The following PROX1 variants were observed in gnomAD, a reference collection of about 807,000 sequenced individuals.
PROX1 encodes the protein prospero homeobox 1.
Under a neutral mutation model 58.8 loss-of-function variants are expected in PROX1, and 7 were observed. That is an observed-to-expected ratio of 0.12 (90% CI 0.07 to 0.22). The LOEUF (loss-of-function observed/expected upper bound fraction) is 0.22, where lower values mean the gene tolerates loss of function less well. Among genes scored for constraint, PROX1 ranks in the 10% least tolerant of loss-of-function variants. The probability of loss-of-function intolerance (pLI) is 1.00; values close to 1 mark genes in which losing one functional copy is unlikely to be tolerated. For missense variants in PROX1, 675 were observed against 927.8 expected, an observed-to-expected ratio of 0.73 and a Z score of 3.54; for synonymous variants, 350 against 358.3, an observed-to-expected ratio of 0.98 and a Z score of 0.26.
intron 4 of PROX1, among the ~76,000 whole-genome samples, chr1:214,031,393 C>G (rs1664652994): frequency 6.6e-6 from 1 of 152,122 alleles, no homozygotes; most frequent in Admixed American, 6.5e-5. Context: ...GGCAAAGCAG[C>G]TCCCACAATA....
intron 3 of PROX1, among the ~76,000 whole-genome samples, chr1:214,009,599 T>C (rs1663838104): frequency 6.6e-6 from 1 of 152,194 alleles, no homozygotes; most frequent in Non-Finnish European, 1.5e-5. Flanking sequence ...GTTGTTTTTG[T>C]CCATTCTTTC....
intron 2 of PROX1, among the ~76,000 whole-genome samples, chr1:214,003,599 T>A (rs1008854763): frequency 1.3e-5 from 2 of 152,136 alleles, no homozygotes; most frequent in Admixed American, 1.3e-4. Context: ...AGATATAAAA[T>A]CAAAATTTCT....
chr1:214,011,331 T>C (rs1663902174), intron 3 of PROX1, among the ~76,000 whole-genome samples, 190 bp from the exon 4 acceptor site: 1 of 152,234 alleles, frequency 6.6e-6, no homozygotes, highest in Non-Finnish European at 1.5e-5. Context: ...TTTCCATTAC[T>C]GACAGGTTTT....
intron 3 of PROX1, among the ~76,000 whole-genome samples, chr1:214,007,530 G>T (rs546021527): frequency 3.3e-5 from 5 of 152,292 alleles, no homozygotes; most frequent in Admixed American, 1.3e-4. Context: ...AGAGTAGAAA[G>T]CCATGCAAAG....
rs1408198370 is a variant in PROX1 at position 213,997,068 on chromosome 1, A to G, written c.533A>G (p.His178Arg). Residue 178 changes from histidine to arginine, a missense_variant, in exon 2 of 5, where the codon CAT becomes CGT. Around this residue, in one of 8 missense-constraint regions of PROX1, gnomAD observed 403 missense variants for 477.4 expected, o/e 0.84. Transcript: ENST00000366958. This position sits in a 1 kb window ranked among gnomAD's most constrained non-coding sequence, Gnocchi z 7.1. ...RVENIIRGMS[H>R]SPSVALRGNE... ...GAGAATATAATTCGGGGTATGAGCC[A>G]TTCCCCCAGTGTGGCATTAAGGGGC... 1 of 1,613,990 alleles carries G rather than the reference A, an allele frequency of 6.2e-7. No homozygotes were observed. Among genetic ancestry groups the G allele is most frequent in the Non-Finnish European group, 8.5e-7 (1 of 1,180,030 alleles).
intron 2 of PROX1, among the ~76,000 whole-genome samples, chr1:214,000,778 C>A (rs1418906654): frequency 6.6e-6 from 1 of 152,168 alleles, no homozygotes; most frequent in Non-Finnish European, 1.5e-5. Context: ...AGATTGGGCC[C>A]ACTTTTCTCC....
chr1:214,001,832 C>T (rs1478782579), intron 2 of PROX1, among the ~76,000 whole-genome samples: 1 of 151,366 alleles, frequency 6.6e-6, no homozygotes, highest in Non-Finnish European at 1.5e-5. Context: ...ACACTACCCC[C>T]CTCCCCTGAA....
rs191179009 is a variant in PROX1 at position 213,998,550 on chromosome 1, G to T, written c.1725+290G>T. Among the ~76,000 whole-genome samples, 31 of 151,788 alleles carry T rather than the reference G, an allele frequency of 2.0e-4. 1 individual carries two copies. In the East Asian group the frequency reaches 6.0e-3, roughly 29 times the overall value. Reference sequence around the variant, plus strand: ...GTGTTTTTTTTCTGCTGTTCTTCCTGCATTATCTTCTTATCCCTATCTCTT... The same window carrying T: ...GTGTTTTTTTTCTGCTGTTCTTCCTTCATTATCTTCTTATCCCTATCTCTT... On this transcript the variant is annotated intron_variant, in intron 2 of 4. Transcript: ENST00000366958.
intron 4 of PROX1, among the ~76,000 whole-genome samples, chr1:214,017,303 T>A (rs775419038): frequency 6.6e-6 from 1 of 152,202 alleles, no homozygotes; most frequent in Non-Finnish European, 1.5e-5. Flanking sequence ...GGGGATTCAG[T>A]GGAGTTCTAT....
chr1:214,035,922 T>C lies in PROX1; in HGVS notation c.*88T>C. The C allele has an allele frequency of 3.4e-6, 4 of 1,176,430 alleles. No individual in the cohort carries two copies. Among genetic ancestry groups the C allele is most frequent in the Non-Finnish European group, 4.7e-6 (4 of 846,178 alleles). The allele number at this position is 1,176,430 out of a possible 1,614,324, so 72.9% of individuals were successfully genotyped here. ...TATGTGTCTAGATTTTGATTTCATA[T>C]ATATGTGTATGGGAGGCATGGATAT... On this transcript the variant is annotated 3_prime_UTR_variant, in exon 5 of 5. Coordinates refer to ENST00000366958, the MANE Select transcript of PROX1 (RefSeq NM_001270616.2).
intron 1 of PROX1, among the ~76,000 whole-genome samples, chr1:213,994,235 G>A (rs763496541): frequency 2.0e-5 from 3 of 152,190 alleles, no homozygotes; most frequent in Non-Finnish European, 4.4e-5. Context: ...CAGTTTGGGT[G>A]TTAGGGTGAA....
intron 1 of PROX1, among the ~76,000 whole-genome samples, chr1:213,994,095 G>A (rs1204401552): frequency 1.3e-5 from 2 of 152,166 alleles, no homozygotes; most frequent in African/African-American, 4.8e-5. Flanking sequence ...TTGACGCAGA[G>A]GTAAATGGCA....
At chr1:213,987,840 A>G (rs1288842492), upstream of PROX1, 1 of 147,016 alleles carries the variant, frequency 6.8e-6, no homozygotes, top group Non-Finnish European at 1.5e-5. Context: ...TTGCCTTGCT[A>G]TCCCCCCTTG....
intron 4 of PROX1, among the ~76,000 whole-genome samples, chr1:214,012,187 A>G (rs1044379450): frequency 6.6e-6 from 1 of 152,212 alleles, no homozygotes; most frequent in Non-Finnish European, 1.5e-5. Flanking sequence ...TGACTTTGAC[A>G]TTTAGTCCCT....
chr1:213,992,403 A>G (rs965101355), intron 1 of PROX1, among the ~76,000 whole-genome samples: 3 of 152,178 alleles, frequency 2.0e-5, no homozygotes, highest in African/African-American at 7.2e-5. Flanking sequence ...TAATTAGCAG[A>G]AACAAATTCT....
intron 2 of PROX1, among the ~76,000 whole-genome samples, chr1:214,001,771 A>C (rs1351201227): frequency 1.3e-5 from 2 of 152,166 alleles, no homozygotes; most frequent in Non-Finnish European, 2.9e-5. Context: ...TAGTACTTAT[A>C]TTAGCTAGAG....
Position 213,996,944 on chromosome 1 carries a change from C to T in PROX1, c.409C>T (p.Pro137Ser). ...DICSNSSRDS[P>S]PECLSPFGRP... ...ATGCAGCAACTCTTCAAGAGACAGC[C>T]CCCCAGAGTGTCTTTCCCCTTTTGG... The change falls in exon 2 of 5, where the codon CCC (proline) becomes TCC (serine). Residue 137 changes from proline (P) to serine (S), a missense_variant. Transcript: ENST00000366958. 1 of 1,614,042 alleles carries T rather than the reference C, an allele frequency of 6.2e-7. No homozygotes were observed. Among genetic ancestry groups the T allele is most frequent in the Non-Finnish European group, 8.5e-7 (1 of 1,180,020 alleles).
At chr1:214,016,605 A>G (rs138246176) in intron 4 of PROX1, among the ~76,000 whole-genome samples, 1 of 152,334 alleles carries the variant, frequency 6.6e-6, no homozygotes, top group African/African-American at 2.4e-5. Context: ...TGACAAGCCA[A>G]ATTGATCTTT....
chr1:214,040,411 C>A lies in PROX1; in HGVS notation c.*4577C>A, dbSNP rs1399170148. On this transcript the variant is annotated 3_prime_UTR_variant, in exon 5 of 5. Coordinates refer to ENST00000366958, the MANE Select transcript of PROX1 (RefSeq NM_001270616.2). ...CAGAAAAGGCAAACAAGCTTACCTTCTTTTGTGAAAACGTATTCATTCTGT... is the reference window on the plus strand; with the variant it reads ...CAGAAAAGGCAAACAAGCTTACCTTATTTTGTGAAAACGTATTCATTCTGT... The A allele has an allele frequency of 6.6e-6, 1 of 151,978 alleles. No individual in the cohort carries two copies. Among genetic ancestry groups the A allele is most frequent in the Admixed American group, 6.5e-5 (1 of 15,270 alleles). 9.4% of individuals were successfully genotyped at this position (151,978 alleles called of 1,614,324 possible).
Sources: gnomAD v4.1 joint callset for allele counts (sites outside exome capture counted in the v4.1 genomes callset) on GRCh38, gnomAD v4.1.1 for gene constraint, gnomAD v4.1.1 regional missense constraint, Gnocchi (gnomAD v3.1) non-coding constraint, MANE v1.5 for transcripts, NCBI Gene and HGNC (gene_info 2026-07-23, HGNC 2026-07-21) for gene names.